PTK2B: variants seen among roughly 807,000 people sequenced by gnomAD.
The protein encoded by PTK2B is protein tyrosine kinase 2 beta, also known as protein-tyrosine kinase 2-beta.
A neutral mutation model predicts 142.9 loss-of-function variants in PTK2B; 71 were observed. That is an observed-to-expected ratio of 0.50 (90% CI 0.41 to 0.61). PTK2B has a LOEUF of 0.61. Ranked by LOEUF, PTK2B falls within the 20% of genes least tolerant of loss-of-function variation. The pLI is 0.00. For synonymous variants in PTK2B, 519 were observed against 503.4 expected, an observed-to-expected ratio of 1.03 and a Z score of -0.42; for missense variants, 1,105 against 1,320.4, an observed-to-expected ratio of 0.84 and a Z score of 2.53.
In PTK2B at chr8:27,431,378, C is replaced by G. The variant is rs766986518; in HGVS notation, c.811-20C>G. 4 of 1,614,178 alleles carry G rather than the reference C, an allele frequency of 2.5e-6. No homozygotes were observed. The highest frequency in any genetic ancestry group is 3.4e-6 in the Non-Finnish European group (4 of 1,180,030). ...GGGAGGACAGCTCTGGAACAACAGT[C>G]CACTCTCCTTTTATTCCAGCAAGGA... On this transcript the variant is annotated intron_variant, in intron 8 of 30. Coordinates refer to ENST00000346049, the MANE Select transcript of PTK2B (RefSeq NM_173176.3).
chr8:27,322,377 C>T (rs1025922627), upstream of PTK2B: 1 of 152,196 alleles, frequency 6.6e-6, no homozygotes, highest in African/African-American at 2.4e-5. Flanking sequence ...CTTATCCAAG[C>T]TTCCTTTTCC....
chr8:27,400,443 GA>G (rs1808306153), intron 2 of PTK2B, among the ~76,000 whole-genome samples: 1 of 119,992 alleles, frequency 8.3e-6, no homozygotes. Context: ...AAAAAGGATT[GA>G]ATTAAAAAAA....
At chr8:27,413,813 T>G (rs1448570591) in intron 2 of PTK2B, among the ~76,000 whole-genome samples, 1 of 152,244 alleles carries the variant, frequency 6.6e-6, no homozygotes, top group Admixed American at 6.5e-5. Flanking sequence ...GAATCCTGCC[T>G]GAATCAACCA....
chr8:27,450,057 A>C (rs1053841415), intron 24 of PTK2B, among the ~76,000 whole-genome samples: 1 of 152,134 alleles, frequency 6.6e-6, no homozygotes, highest in African/African-American at 2.4e-5. Flanking sequence ...TCCTTATTTT[A>C]TCTCTTAGCT....
intron 30 of PTK2B, 91 bp downstream of exon 30, chr8:27,454,702 C>A: frequency 8.1e-6 from 11 of 1,349,884 alleles, no homozygotes; most frequent in Non-Finnish European, 1.1e-5. Context: ...GCCTGGGCAA[C>A]CTCATGTCTG....
At position 27,372,854 on chromosome 8, in the gene PTK2B, A is replaced by T. The variant is rs1271041055; in HGVS notation, c.-37-24694A>T. ...TCCAAAGATGTGTTTTTGTTAGCTT[A>T]TACTGTTTTGCAAATCTGCACTAGC... On this transcript the variant is annotated intron_variant, in intron 1 of 30. Transcript: ENST00000346049. 2.6e-5 allele frequency among the ~76,000 whole-genome samples: 4 copies of T among 152,174 alleles called. No individual in the cohort carries two copies. In the East Asian group the frequency reaches 7.7e-4, roughly 29 times the overall value.
chr8:27,411,203 C>T (rs752280230), intron 2 of PTK2B, among the ~76,000 whole-genome samples: 1 of 152,102 alleles, frequency 6.6e-6, no homozygotes, highest in African/African-American at 2.4e-5. Context: ...GGTCAGGGAG[C>T]TCTGGGTGGA....
In PTK2B at chr8:27,451,054, T is replaced by G; in HGVS notation, c.2499T>G (p.Val833=). ...TTCTTCCTCTGCAGGACCCCATGGT[T>G]TATATGAATGATAAGTCCCCATTGG... is the stretch of plus-strand genomic sequence containing the variant. ...RQEEKSLDPM[V]YMNDKSPLTP... is the part of the protein sequence containing the mutation. Residue 833 remains valine, a synonymous_variant, in exon 26 of 31, where the codon GTT becomes GTG. Transcript: ENST00000346049. 1 of 1,612,984 alleles carries G rather than the reference T, an allele frequency of 6.2e-7. No homozygotes were observed. Among genetic ancestry groups the G allele is most frequent in the Non-Finnish European group, 8.5e-7 (1 of 1,178,902 alleles).
intron 5 of PTK2B, among the ~76,000 whole-genome samples, chr8:27,425,062 C>T (rs1430572499): frequency 6.9e-6 from 1 of 144,368 alleles, no homozygotes; most frequent in Admixed American, 6.8e-5. Flanking sequence ...ATTATAGTCA[C>T]GTTGTGTTAC....
chr8:27,455,645 G>A (rs187393511), intron 30 of PTK2B, among the ~76,000 whole-genome samples: 1 of 152,388 alleles, frequency 6.6e-6, no homozygotes, highest in East Asian at 1.9e-4. Flanking sequence ...GCCAAGGAAG[G>A]CAGCAGCCTG....
rs201131072 is a variant in PTK2B, at chr8:27,363,116, GA to G, written c.-37-34431del. On this transcript the variant is annotated intron_variant, in intron 1 of 30. Transcript: ENST00000346049. The surrounding 1 kb of genome is among the most constrained non-coding windows in gnomAD (Gnocchi z 4.3). ...TGGCCCTGGGCAAATTCCCTCATTG[GA>G]GTAGGGACTAGGACAAGGGCCAGCC... Among the ~76,000 whole-genome samples the G allele has an allele frequency of 7.2e-3, 1,094 of 152,340 alleles. 12 individuals carry two copies. Among genetic ancestry groups the G allele is most frequent in the African/African-American group, 0.024 (982 of 41,570 alleles).
At chr8:27,407,707 A>T (rs1490227452) in intron 2 of PTK2B, among the ~76,000 whole-genome samples, 1 of 152,138 alleles carries the variant, frequency 6.6e-6, no homozygotes, top group East Asian at 1.9e-4. Context: ...AAGGACCCCG[A>T]ACTCCATTTC....
intron 1 of PTK2B, among the ~76,000 whole-genome samples, chr8:27,378,204 C>T (rs1443463080): frequency 2.0e-5 from 3 of 152,184 alleles, no homozygotes; most frequent in Admixed American, 1.3e-4. Flanking sequence ...CAAGGTCTCT[C>T]CTTGTAGCTA....
intron 1 of PTK2B, among the ~76,000 whole-genome samples, chr8:27,333,611 T>G (rs1416563883): frequency 2.6e-5 from 4 of 152,194 alleles, no homozygotes; most frequent in African/African-American, 9.7e-5. Flanking sequence ...ATATAACTTA[T>G]GAGAACATCC....
At chr8:27,422,872 A>G (rs562114266) in intron 5 of PTK2B, among the ~76,000 whole-genome samples, 2 of 152,298 alleles carry the variant, frequency 1.3e-5, no homozygotes, top group African/African-American at 4.8e-5. Context: ...TGTGTATACA[A>G]TTAATCATAA....
At chr8:27,413,119 T>C (rs1809170611) in intron 2 of PTK2B, among the ~76,000 whole-genome samples, 1 of 152,188 alleles carries the variant, frequency 6.6e-6, no homozygotes, top group South Asian at 2.1e-4. Context: ...GTTTTCTGTA[T>C]TGCCAGCTCA....
chr8:27,349,804 C>G (rs1311143965), intron 1 of PTK2B, among the ~76,000 whole-genome samples: 1 of 152,240 alleles, frequency 6.6e-6, no homozygotes, highest in African/African-American at 2.4e-5. Context: ...CTAAAACCCC[C>G]TTAAATCCTA....
chr8:27,403,899 C>T (rs1808539052), intron 2 of PTK2B, among the ~76,000 whole-genome samples: 1 of 147,272 alleles, frequency 6.8e-6, no homozygotes. Flanking sequence ...TCTTCTCTTC[C>T]TCCTCCTCCT....
At chr8:27,373,719 C>T (rs1806496893) in intron 1 of PTK2B, among the ~76,000 whole-genome samples, 1 of 151,908 alleles carries the variant, frequency 6.6e-6, no homozygotes, top group South Asian at 2.1e-4. Flanking sequence ...GGAGATTTCA[C>T]ATTAAAACTC....
Sources: allele counts gnomAD v4.1 joint callset (sites outside exome capture counted in the v4.1 genomes callset), GRCh38; gene constraint gnomAD v4.1.1; non-coding constraint Gnocchi (gnomAD v3.1); transcripts MANE v1.5; gene names NCBI Gene and HGNC (gene_info 2026-07-23, HGNC 2026-07-21).